ANKS1B: variants seen among roughly 807,000 people sequenced by gnomAD.
The protein encoded by ANKS1B is ankyrin repeat and sterile alpha motif domain containing 1B, also known as ankyrin repeat and sterile alpha motif domain-containing protein 1B.
In ANKS1B, 36 loss-of-function variants were observed where a neutral mutation model predicts 148.3. The ratio of observed to expected loss-of-function variants is 0.24; its 90% CI spans 0.19 to 0.32. The LOEUF (loss-of-function observed/expected upper bound fraction) is 0.32, where lower values mean the gene tolerates loss of function less well. ANKS1B is among the 10% of genes least tolerant of loss of function. The probability of loss-of-function intolerance (pLI) is 1.00; values close to 1 mark genes in which losing one functional copy is unlikely to be tolerated. For synonymous variants in ANKS1B, 542 were observed against 560.8 expected (o/e 0.97, Z 0.47); for missense variants, 1,157 against 1,542.6 (o/e 0.75, Z 4.19).
intron 16 of ANKS1B, among the ~76,000 whole-genome samples, chr12:99,070,389 C>T (rs1267886808): frequency 1.3e-5 from 2 of 152,168 alleles, no homozygotes; most frequent in East Asian, 1.9e-4. Flanking sequence ...AACTATGTCA[C>T]TTGTTTAGCC....
chr12:98,908,379 T>C (rs1041950869), intron 17 of ANKS1B, among the ~76,000 whole-genome samples: 4 of 152,324 alleles, frequency 2.6e-5, no homozygotes, highest in Admixed American at 1.3e-4. Context: ...TTACCTTCTC[T>C]GTGACTTGCA....
chr12:99,718,155 T>C (rs11834821), intron 8 of ANKS1B, among the ~76,000 whole-genome samples: 99,869 of 151,044 alleles, frequency 0.66, 33,094 homozygotes, highest in South Asian at 0.69. Context: ...CCGCCTCTGC[T>C]TCCCAAAGTG....
chr12:99,564,801 G>A (rs10735367), intron 9 of ANKS1B, among the ~76,000 whole-genome samples: 76,282 of 151,842 alleles, frequency 0.5, 19,743 homozygotes, highest in African/African-American at 0.62. Context: ...TTTCAAACTT[G>A]AAATTAATTA....
At chr12:98,840,442 A>AG (rs2099399633) in intron 17 of ANKS1B, among the ~76,000 whole-genome samples, 1 of 152,238 alleles carries the variant, frequency 6.6e-6, no homozygotes, top group African/African-American at 2.4e-5. Context: ...AAAGGAAAAG[A>AG]GGTTCCAAGT....
chr12:99,476,308 G>C (rs978062570), intron 10 of ANKS1B, among the ~76,000 whole-genome samples: 1 of 152,106 alleles, frequency 6.6e-6, no homozygotes, highest in African/African-American at 2.4e-5. Context: ...CGGGAGAATT[G>C]CTTGAACCTG....
exon 10 of ANKS1B, chr12:98,735,554 A>G (rs2097768562): frequency 1.3e-6 from 1 of 767,120 alleles, no homozygotes; most frequent in Admixed American, 1.7e-5. Flanking sequence ...TGTAAATTCA[A>G]TTCTATCAAA....
chr12:99,475,807 T>C (rs2096310160), intron 10 of ANKS1B, among the ~76,000 whole-genome samples: 1 of 151,968 alleles, frequency 6.6e-6, no homozygotes, highest in Non-Finnish European at 1.5e-5. Flanking sequence ...AATAAAAATA[T>C]GTCCAAATAT....
Position 99,160,504 on chromosome 12 carries a change from ATTTT to A in ANKS1B, c.2420-6113_2420-6110del, listed in dbSNP as rs3077550. Among the ~76,000 whole-genome samples the A allele has an allele frequency of 6.1e-4, 84 of 136,752 alleles. No individual in the cohort carries two copies. The East Asian group carries it at 0.011, about 18-fold the overall frequency. 89.7% of individuals were successfully genotyped at this position (136,752 alleles called of 152,430 possible). On this transcript the variant is annotated intron_variant, in intron 14 of 26. Transcript: ENST00000683438. ...CAGGCACCCACCACCACACCAGGCT[ATTTT>A]TTTTTTTTTTTTTGTATTTTTAGTA...
At chr12:99,747,632 C>A (rs1286705973) in intron 8 of ANKS1B, among the ~76,000 whole-genome samples, 2 of 152,074 alleles carry the variant, frequency 1.3e-5, no homozygotes, top group Non-Finnish European at 2.9e-5. Flanking sequence ...ATAACCTCTT[C>A]TCTCTCTTCT....
At chr12:99,052,144 A>G (rs1220652317) in intron 17 of ANKS1B, among the ~76,000 whole-genome samples, 1 of 152,224 alleles carries the variant, frequency 6.6e-6, no homozygotes. Context: ...TTTATGTTAC[A>G]TTTTCATCTT....
chr12:99,017,658 A>C (rs2099943335), intron 17 of ANKS1B, among the ~76,000 whole-genome samples: 5 of 152,088 alleles, frequency 3.3e-5, no homozygotes. Context: ...CCCCCTGCCC[A>C]CCAAATTGTC....
intron 17 of ANKS1B, among the ~76,000 whole-genome samples, chr12:99,036,060 C>G (rs1353837966): frequency 6.6e-6 from 1 of 152,172 alleles, no homozygotes; most frequent in Non-Finnish European, 1.5e-5. Context: ...CACACAGGGC[C>G]TGCACCTCTC....
chr12:99,002,186 T>C (rs533102193), intron 17 of ANKS1B, among the ~76,000 whole-genome samples: 1 of 152,336 alleles, frequency 6.6e-6, no homozygotes, highest in South Asian at 2.1e-4. Context: ...TTGATTTTAT[T>C]ATATAGCAGT....
At position 99,799,713 on chromosome 12, in the gene ANKS1B, A is replaced by T. The variant is rs530630951; in HGVS notation, c.669+6691T>A. ...CTATTAAGGTGACATTGGAGAAGAC[A>T]CCTGAGGAAAGAAGGGGGAAGAAAG... On this transcript the variant is annotated intron_variant, in intron 4 of 26. Coordinates refer to ENST00000683438, the MANE Select transcript of ANKS1B (RefSeq NM_001352186.2). 2.0e-5 allele frequency among the ~76,000 whole-genome samples: 3 copies of T among 152,186 alleles called. No homozygotes were observed. In the South Asian group the frequency reaches 6.2e-4, roughly 32 times the overall value.
At chr12:98,790,330 G>A (rs1244990050) in intron 22 of ANKS1B, among the ~76,000 whole-genome samples, 1 of 152,134 alleles carries the variant, frequency 6.6e-6, no homozygotes, top group African/African-American at 2.4e-5. Flanking sequence ...TCCTTGCGGC[G>A]TGGTTAGGTA....
intron 9 of ANKS1B, among the ~76,000 whole-genome samples, chr12:99,566,434 G>A (rs1000598365): frequency 2.6e-5 from 4 of 152,076 alleles, no homozygotes; most frequent in Non-Finnish European, 5.9e-5. Context: ...CCTCACTTCT[G>A]AGCCTAACAG....
chr12:99,255,229 T>C (rs921187747), intron 12 of ANKS1B, among the ~76,000 whole-genome samples: 1 of 152,162 alleles, frequency 6.6e-6, no homozygotes, highest in African/African-American at 2.4e-5. Flanking sequence ...AAGTTTTAAT[T>C]ATCTAGAATT....
chr12:98,781,723 T>C (rs1007753505), intron 23 of ANKS1B, among the ~76,000 whole-genome samples: 2 of 152,194 alleles, frequency 1.3e-5, no homozygotes, highest in African/African-American at 4.8e-5. Flanking sequence ...TATGTATTGT[T>C]CTTGAACTGG....
intron 8 of ANKS1B, among the ~76,000 whole-genome samples, chr12:99,731,151 C>G (rs2059107173): frequency 6.6e-6 from 1 of 151,722 alleles, no homozygotes; most frequent in African/African-American, 2.4e-5. Context: ...AAATGTCTCA[C>G]TCTGTCACCC....
Sources: gnomAD v4.1 joint callset for allele counts (sites outside exome capture counted in the v4.1 genomes callset) on GRCh38, gnomAD v4.1.1 for gene constraint, MANE v1.5 for transcripts, NCBI Gene and HGNC (gene_info 2026-07-23, HGNC 2026-07-21) for gene names.